Variants in PRMT8 observed in about 807,000 individuals in gnomAD.
PRMT8 encodes protein arginine methyltransferase 8, also known as protein arginine N-methyltransferase 8.
In PRMT8, 7 loss-of-function variants were observed where a neutral mutation model predicts 47.1. That is an observed-to-expected ratio of 0.15 (90% CI 0.08 to 0.28). The LOEUF (loss-of-function observed/expected upper bound fraction) is 0.28. Among genes scored for constraint, PRMT8 ranks in the 10% least tolerant of loss-of-function variants. PRMT8 has a pLI of 1.00. For missense variants in PRMT8, 237 were observed against 505.4 expected, an observed-to-expected ratio of 0.47 and a Z score of 5.09; for synonymous variants, 188 against 186.5, an observed-to-expected ratio of 1.01 and a Z score of -0.07.
intron 1 of PRMT8, among the ~76,000 whole-genome samples, chr12:3,420,401 T>C (rs557338499): frequency 4.1e-4 from 62 of 152,272 alleles, no homozygotes; most frequent in Non-Finnish European, 7.4e-5. Flanking sequence ...TGTTTGTCTG[T>C]TTTGGTTGCA....
intron 1 of PRMT8, among the ~76,000 whole-genome samples, chr12:3,457,534 C>A (rs576041972): frequency 6.6e-6 from 1 of 152,090 alleles, no homozygotes; most frequent in African/African-American, 2.4e-5. Flanking sequence ...GTCTCAAACT[C>A]CTGGCTTCAA....
intron 1 of PRMT8, among the ~76,000 whole-genome samples, chr12:3,398,096 G>A (rs1864279376): frequency 6.6e-6 from 1 of 152,088 alleles, no homozygotes; most frequent in Admixed American, 6.5e-5. Context: ...ACTGACCTGC[G>A]CCCACTGTCT....
At chr12:3,444,983 G>A (rs1449015316) in intron 1 of PRMT8, among the ~76,000 whole-genome samples, 1 of 152,208 alleles carries the variant, frequency 6.6e-6, no homozygotes, top group Admixed American at 6.5e-5. Flanking sequence ...AAGGTTAGGG[G>A]TGATGGGGAA....
chr12:3,473,319 C>A (rs186809383), intron 1 of PRMT8, among the ~76,000 whole-genome samples: 114 of 152,048 alleles, frequency 7.5e-4, no homozygotes, highest in African/African-American at 2.6e-3. Flanking sequence ...GCCTCACGGA[C>A]CTCCAGGCTT....
At chr12:3,563,975 A>G (rs1866677953) in intron 4 of PRMT8, among the ~76,000 whole-genome samples, 3 of 150,980 alleles carry the variant, frequency 2.0e-5, no homozygotes, top group Admixed American at 2.0e-4. Context: ...CCATCCATTC[A>G]TTGAGTAATG....
At chr12:3,540,935 A>G in intron 2 of PRMT8, 144 bp downstream of exon 2, 1 of 1,000,628 alleles carries the variant, frequency 1.0e-6, no homozygotes, top group Non-Finnish European at 1.4e-6. Context: ...CCTTTCTCCA[A>G]TCCGGGGGGC....
chr12:3,568,621 C>G, intron 4 of PRMT8, 85 bp from the exon 5 acceptor site: 1 of 1,503,316 alleles, frequency 6.7e-7, no homozygotes, highest in African/African-American at 1.4e-5. Context: ...GGGCTGAAAC[C>G]TGGAGATCTG....
chr12:3,404,730 G>A (rs1262466271), intron 1 of PRMT8, among the ~76,000 whole-genome samples: 2 of 152,150 alleles, frequency 1.3e-5, no homozygotes, highest in African/African-American at 4.8e-5. Flanking sequence ...CAGTGATTGA[G>A]AGAGATGTAT....
intron 1 of PRMT8, among the ~76,000 whole-genome samples, chr12:3,470,899 T>C (rs916662981): frequency 5.9e-5 from 9 of 152,268 alleles, no homozygotes; most frequent in East Asian, 1.9e-4. Flanking sequence ...TTTTTAAAGA[T>C]GACAATTCAA....
At chr12:3,568,626 G>T (rs529680000) in intron 4 of PRMT8, 80 bp from the exon 5 acceptor site, 3 of 1,533,756 alleles carry the variant, frequency 2.0e-6, no homozygotes, top group East Asian at 2.3e-5. Context: ...GAAACCTGGA[G>T]ATCTGGCCCT....
chr12:3,531,224 G>C (rs918408403), intron 1 of PRMT8, among the ~76,000 whole-genome samples: 6 of 152,198 alleles, frequency 3.9e-5, no homozygotes, highest in South Asian at 2.1e-4. Context: ...CCATAAAAGA[G>C]AGTGGAGAGG....
At chr12:3,398,792 A>C (rs888933564) in intron 1 of PRMT8, among the ~76,000 whole-genome samples, 1 of 152,248 alleles carries the variant, frequency 6.6e-6, no homozygotes, top group Non-Finnish European at 1.5e-5. Flanking sequence ...AGGGTCAGTC[A>C]TGATGACGTT....
In PRMT8 at chr12:3,442,654, G is replaced by A. The variant is rs140264011; in HGVS notation, c.48+61212G>A. 7.8e-3 allele frequency among the ~76,000 whole-genome samples: 1,195 copies of A among 152,246 alleles called. 5 individuals are homozygous for A. Among genetic ancestry groups the A allele is most frequent in the Non-Finnish European group, 0.012 (795 of 68,004 alleles). ...CTTGGATGCATTTCCTAAACTAGGT[G>A]ATGGCCTTATTTGTATATTTTTCAG... On this transcript the variant is annotated intron_variant, in intron 1 of 9. Coordinates refer to the PRMT8 transcript ENST00000452611.
Position 3,492,293 on chromosome 12 carries a change from C to T in PRMT8, c.75+593C>T, listed in dbSNP as rs571951436. ...ACAGACCCTCCGGCCCAGATCTGGG[C>T]CAGAGAGAAGTCTGCAATCCTCAGA... On this transcript the variant is annotated intron_variant, in intron 1 of 9. Transcript: ENST00000382622. This position sits in a 1 kb window ranked among gnomAD's most constrained non-coding sequence, Gnocchi z 7.5. Among the ~76,000 whole-genome samples the T allele has an allele frequency of 2.6e-5, 4 of 152,148 alleles. No homozygotes were observed. The South Asian group carries it at 6.2e-4, about 24-fold the overall frequency.
chr12:3,532,759 C>T (rs1866053482), intron 1 of PRMT8, among the ~76,000 whole-genome samples: 1 of 150,832 alleles, frequency 6.6e-6, no homozygotes, highest in Admixed American at 6.6e-5. Context: ...GGTTTTCAAA[C>T]TTTATGGTGT....
chr12:3,569,701 C>G lies in PRMT8; in HGVS notation c.712+137C>G. Reference sequence around the variant, plus strand: ...AAGAGGAGCTTATCTGGGACCCTTTCTGGAGTCTGCTCTCTAAATGTTTCT... The same window carrying G: ...AAGAGGAGCTTATCTGGGACCCTTTGTGGAGTCTGCTCTCTAAATGTTTCT... On this transcript the variant is annotated intron_variant, in intron 6 of 9. Transcript: ENST00000382622. The surrounding 1 kb of genome is among the most constrained non-coding windows in gnomAD (Gnocchi z 8.2). 1.4e-6 allele frequency: 1 copy of G among 724,566 alleles called. No homozygotes were observed. 44.9% of individuals were successfully genotyped at this position (724,566 alleles called of 1,614,324 possible).
intron 1 of PRMT8, among the ~76,000 whole-genome samples, chr12:3,509,475 C>T (rs971438524): frequency 6.6e-6 from 1 of 152,206 alleles, no homozygotes; most frequent in African/African-American, 2.4e-5. Flanking sequence ...CCTATTTCCT[C>T]ATCTAGAAGT....
At chr12:3,592,978 AGCCTTAAGAC>A (rs1320335573) in intron 9 of PRMT8, 111 bp from the exon 10 acceptor site, 3 of 740,026 alleles carry the variant, frequency 4.1e-6, no homozygotes, top group Non-Finnish European at 7.0e-6. Flanking sequence ...TTAGCCAGAA[AGCCTTAAGAC>A]GCTGGTGCTA....
intron 1 of PRMT8, among the ~76,000 whole-genome samples, chr12:3,534,191 A>G (rs1866080975): frequency 6.6e-6 from 1 of 152,252 alleles, no homozygotes; most frequent in Non-Finnish European, 1.5e-5. Context: ...GCTGCTGAGG[A>G]CAGACGACTC....
Sources: gnomAD v4.1 joint callset for allele counts (sites outside exome capture counted in the v4.1 genomes callset) on GRCh38, gnomAD v4.1.1 for gene constraint, Gnocchi (gnomAD v3.1) non-coding constraint, MANE v1.5 for transcripts, NCBI Gene and HGNC (gene_info 2026-07-23, HGNC 2026-07-21) for gene names.